The following CADM2 variants were observed in gnomAD, a reference collection of about 807,000 sequenced individuals.
The protein encoded by CADM2 is cell adhesion molecule 2, also known as immunoglobulin superfamily member 4D.
A neutral mutation model predicts 49.8 loss-of-function variants in CADM2; 12 were observed. The observed-to-expected ratio is 0.24, with a 90% confidence interval of 0.15 to 0.39. The LOEUF (loss-of-function observed/expected upper bound fraction) is 0.39. Ranked by LOEUF, CADM2 falls within the 10% of genes least tolerant of loss-of-function variation. CADM2 has a pLI of 1.00. For synonymous variants in CADM2, 214 were observed against 175.4 expected (o/e 1.22, Z -1.74); for missense variants, 378 against 492.3 (o/e 0.77, Z 2.20).
chr3:85,893,609 C>T (rs1230649012), intron 5 of CADM2, among the ~76,000 whole-genome samples: 1 of 151,966 alleles, frequency 6.6e-6, no homozygotes, highest in Non-Finnish European at 1.5e-5. Context: ...TGACAAAGGG[C>T]TAATATCCAG....
intron 3 of CADM2, among the ~76,000 whole-genome samples, chr3:85,853,658 A>G (rs1414360618): frequency 6.6e-6 from 1 of 151,590 alleles, no homozygotes; most frequent in East Asian, 1.9e-4. Context: ...AACCAAAACT[A>G]GAAACTTCCA....
intron 1 of CADM2, among the ~76,000 whole-genome samples, chr3:85,630,943 C>T (rs1049780996): frequency 1.3e-5 from 2 of 151,992 alleles, no homozygotes; most frequent in Non-Finnish European, 1.5e-5. Context: ...AGAAAACCTT[C>T]CTACGGCTAT....
chr3:85,420,398 G>A (rs1337458232), intron 1 of CADM2, among the ~76,000 whole-genome samples: 2 of 152,138 alleles, frequency 1.3e-5, no homozygotes, highest in Non-Finnish European at 2.9e-5. Flanking sequence ...GAATGCATGA[G>A]AAAATGACAA....
chr3:86,049,222 C>T (rs1159792004), intron 8 of CADM2, among the ~76,000 whole-genome samples: 1 of 151,782 alleles, frequency 6.6e-6, no homozygotes, highest in African/African-American at 2.4e-5. Context: ...TCTCACATTG[C>T]TATACAGAAA....
chr3:85,224,508 G>A (rs1422596485), intron 1 of CADM2, among the ~76,000 whole-genome samples: 1 of 152,062 alleles, frequency 6.6e-6, no homozygotes. Flanking sequence ...TTAGCCCTTT[G>A]TCAGATGGAT....
intron 2 of CADM2, among the ~76,000 whole-genome samples, chr3:85,743,881 T>C (rs1449741922): frequency 2.6e-5 from 4 of 152,160 alleles, no homozygotes; most frequent in African/African-American, 4.8e-5. Context: ...TAAATAAATA[T>C]ATATTTAAGT....
chr3:85,419,985 C>T (rs966857852), intron 1 of CADM2, among the ~76,000 whole-genome samples: 1 of 152,046 alleles, frequency 6.6e-6, no homozygotes. Flanking sequence ...TGTTTTTCGC[C>T]TCAGGAACAC....
At chr3:85,671,370 C>T (rs1253706426) in intron 1 of CADM2, among the ~76,000 whole-genome samples, 1 of 152,106 alleles carries the variant, frequency 6.6e-6, no homozygotes, top group Non-Finnish European at 1.5e-5. Context: ...ACTGTAATTG[C>T]TTGAGAATTA....
At chr3:85,884,251 C>A (rs1713243880) in intron 4 of CADM2, among the ~76,000 whole-genome samples, 2 of 152,094 alleles carry the variant, frequency 1.3e-5, no homozygotes, top group South Asian at 4.1e-4. Context: ...ATTTTTTTCC[C>A]CCAAGCTTGC....
At chr3:85,550,244 C>T (rs2061768271) in intron 1 of CADM2, among the ~76,000 whole-genome samples, 1 of 152,104 alleles carries the variant, frequency 6.6e-6, no homozygotes, top group Non-Finnish European at 1.5e-5. Flanking sequence ...ATGTGGGGTG[C>T]ATTGTATATT....
At chr3:85,075,071 G>T (rs186060165) in intron 1 of CADM2, among the ~76,000 whole-genome samples, 32 of 152,076 alleles carry the variant, frequency 2.1e-4, no homozygotes, top group Admixed American at 2.0e-3. Context: ...TAAAGGAGGG[G>T]AAAAAAGAAC....
chr3:85,940,489 A>G (rs1200399511), intron 7 of CADM2, among the ~76,000 whole-genome samples: 1 of 152,128 alleles, frequency 6.6e-6, no homozygotes, highest in African/African-American at 2.4e-5. Flanking sequence ...CAAAGAAAGC[A>G]AGTTATCATC....
At chr3:85,145,569 A>T (rs1431938726) in intron 1 of CADM2, among the ~76,000 whole-genome samples, 2 of 152,042 alleles carry the variant, frequency 1.3e-5, no homozygotes, top group African/African-American at 4.8e-5. Context: ...ACTGTAAGGT[A>T]GGTGATATAA....
chr3:85,034,614 T>C (rs558943464), intron 1 of CADM2, among the ~76,000 whole-genome samples: 2 of 152,056 alleles, frequency 1.3e-5, no homozygotes, highest in South Asian at 2.1e-4. Flanking sequence ...TACCTACCAG[T>C]GGGACTGCTG....
intron 1 of CADM2, among the ~76,000 whole-genome samples, chr3:85,607,782 G>A (rs951463726): frequency 2.4e-4 from 37 of 151,540 alleles, no homozygotes; most frequent in African/African-American, 8.0e-4. Flanking sequence ...TCAGCCTCCC[G>A]ATTAGCTGAG....
rs190869490 is a variant in CADM2, at chr3:85,770,784, G to A, written c.89-31263G>A. On this transcript the variant is annotated intron_variant, in intron 2 of 9. Coordinates refer to ENST00000383699, the MANE Select transcript of CADM2 (RefSeq NM_001167675.2). ...AATTTGTTAACTAACTTCCTTTCTC[G>A]TTCATGCACCTATTTAAGGCCACAA... Among the ~76,000 whole-genome samples, 78 of 152,092 alleles carry A rather than the reference G, an allele frequency of 5.1e-4. 1 individual carries two copies. The East Asian group carries it at 6.8e-3, about 13-fold the overall frequency.
chr3:85,659,500 C>T (rs2065332271), intron 1 of CADM2, among the ~76,000 whole-genome samples: 2 of 151,658 alleles, frequency 1.3e-5, no homozygotes, highest in African/African-American at 2.4e-5. Context: ...CAGAAATATA[C>T]ACGCTCAGAG....
At chr3:85,141,139 A>G (rs909752236) in intron 1 of CADM2, among the ~76,000 whole-genome samples, 1 of 152,170 alleles carries the variant, frequency 6.6e-6, no homozygotes, top group Admixed American at 6.6e-5. Flanking sequence ...TTTATGTAAT[A>G]CACTAAAGGA....
chr3:85,976,191 A>C (rs1425482385), intron 8 of CADM2, among the ~76,000 whole-genome samples: 1 of 151,590 alleles, frequency 6.6e-6, no homozygotes, highest in Admixed American at 6.6e-5. Context: ...AAGGGATAAA[A>C]TGGGCTGCAG....
Sources: allele counts gnomAD v4.1 joint callset (sites outside exome capture counted in the v4.1 genomes callset), GRCh38; gene constraint gnomAD v4.1.1; transcripts MANE v1.5; gene names NCBI Gene and HGNC (gene_info 2026-07-23, HGNC 2026-07-21).